Variants in PLXDC2 observed in about 807,000 individuals in gnomAD.
PLXDC2 encodes plexin domain containing 2, also known as plexin domain-containing protein 2.
PLXDC2 carries 40 observed loss-of-function variants against 68.9 expected under a neutral mutation model. The observed-to-expected ratio is 0.58, with a 90% CI of 0.45 to 0.76. The LOEUF (loss-of-function observed/expected upper bound fraction) is 0.76, where lower values mean the gene tolerates loss of function less well. PLXDC2 is among the 30% of genes least tolerant of loss of function. The pLI is 0.00. For missense variants in PLXDC2, 644 were observed against 661.9 expected, an observed-to-expected ratio of 0.97 and a Z score of 0.30; for synonymous variants, 243 against 234.2, an observed-to-expected ratio of 1.04 and a Z score of -0.34.
chr10:19,953,351 A>G (rs959242465), intron 1 of PLXDC2, among the ~76,000 whole-genome samples: 9 of 152,138 alleles, frequency 5.9e-5, no homozygotes, highest in Non-Finnish European at 7.4e-5. Context: ...TGATTTAAGT[A>G]TTTGGGGTAG....
chr10:20,005,097 A>T (rs1835005961), intron 2 of PLXDC2, among the ~76,000 whole-genome samples: 1 of 152,194 alleles, frequency 6.6e-6, no homozygotes, highest in Admixed American at 6.5e-5. Context: ...TGAGCATTCA[A>T]ACCCTGCTGG....
chr10:19,914,095 G>T (rs2131376014), intron 1 of PLXDC2, among the ~76,000 whole-genome samples: 1 of 150,180 alleles, frequency 6.7e-6, no homozygotes, highest in African/African-American at 2.4e-5. Context: ...GGAAAGAAGG[G>T]AGGGAAGAAG....
intron 3 of PLXDC2, among the ~76,000 whole-genome samples, chr10:20,063,031 T>G (rs76285025): frequency 0.038 from 5,719 of 152,204 alleles, 146 homozygotes; most frequent in South Asian, 0.068. Flanking sequence ...AAATACCACT[T>G]TACTAATAAG....
At chr10:20,235,515 C>T (rs1356567354) in intron 12 of PLXDC2, among the ~76,000 whole-genome samples, 1 of 152,162 alleles carries the variant, frequency 6.6e-6, no homozygotes, top group Non-Finnish European at 1.5e-5. Flanking sequence ...AGCATCCTCT[C>T]AGATCTTCAC....
At chr10:20,134,074 C>A (rs1429544294) in intron 4 of PLXDC2, among the ~76,000 whole-genome samples, 1 of 151,996 alleles carries the variant, frequency 6.6e-6, no homozygotes, top group Non-Finnish European at 1.5e-5. Flanking sequence ...TTCATAGTTT[C>A]TGTCTCTTTG....
At chr10:19,921,101 C>A (rs1416926666) in intron 1 of PLXDC2, among the ~76,000 whole-genome samples, 2 of 144,248 alleles carry the variant, frequency 1.4e-5, no homozygotes, top group African/African-American at 2.5e-5. Flanking sequence ...CTTTCTTTTT[C>A]TTTTCTTCTT....
intron 12 of PLXDC2, among the ~76,000 whole-genome samples, chr10:20,237,841 T>G (rs1339938723): frequency 6.6e-6 from 1 of 152,184 alleles, no homozygotes; most frequent in Admixed American, 6.5e-5. Context: ...TTATGGAATT[T>G]ATGGGCTGCA....
intron 1 of PLXDC2, among the ~76,000 whole-genome samples, chr10:19,867,149 T>G (rs1333531956): frequency 6.8e-6 from 1 of 148,020 alleles, no homozygotes; most frequent in Non-Finnish European, 1.5e-5. Context: ...CACTGCAATA[T>G]CCACCTCCTG....
At chr10:20,003,175 T>C (rs531131434) in intron 2 of PLXDC2, among the ~76,000 whole-genome samples, 1 of 152,302 alleles carries the variant, frequency 6.6e-6, no homozygotes, top group South Asian at 2.1e-4. Context: ...TGATCTTGCT[T>C]GTAAACTAGG....
intron 1 of PLXDC2, among the ~76,000 whole-genome samples, chr10:19,998,289 T>C (rs12267586): frequency 0.013 from 1,974 of 152,306 alleles, 45 homozygotes; most frequent in African/African-American, 0.046. Flanking sequence ...ATTTACAATA[T>C]AGATAACGAA....
intron 1 of PLXDC2, among the ~76,000 whole-genome samples, chr10:19,957,977 A>T (rs1834098293): frequency 6.6e-6 from 1 of 152,098 alleles, no homozygotes; most frequent in Admixed American, 6.5e-5. Flanking sequence ...TGATCTCCTC[A>T]AGGTGAAATA....
chr10:19,844,649 G>A (rs1215911476), intron 1 of PLXDC2, among the ~76,000 whole-genome samples: 1 of 151,320 alleles, frequency 6.6e-6, no homozygotes, highest in African/African-American at 2.4e-5. Context: ...GGGCTGGAGT[G>A]CAGTGGTGTG....
intron 1 of PLXDC2, among the ~76,000 whole-genome samples, chr10:19,926,950 T>C (rs775431953): frequency 6.6e-6 from 1 of 152,212 alleles, no homozygotes; most frequent in Non-Finnish European, 1.5e-5. Flanking sequence ...ATTGTTGTCC[T>C]AAGTCTTTCT....
At chr10:20,142,796 T>C (rs1228822729) in intron 4 of PLXDC2, among the ~76,000 whole-genome samples, 1 of 151,640 alleles carries the variant, frequency 6.6e-6, no homozygotes, top group Non-Finnish European at 1.5e-5. Flanking sequence ...CCCTTTCAAC[T>C]TTCAAGAAAA....
chr10:20,094,372 C>T (rs1589626225), intron 4 of PLXDC2, among the ~76,000 whole-genome samples: 1 of 152,288 alleles, frequency 6.6e-6, no homozygotes, highest in African/African-American at 2.4e-5. Flanking sequence ...CGCCTAAGGT[C>T]ACACAGAGAG....
At chr10:19,968,524 G>T (rs1834301555) in intron 1 of PLXDC2, among the ~76,000 whole-genome samples, 1 of 152,110 alleles carries the variant, frequency 6.6e-6, no homozygotes, top group African/African-American at 2.4e-5. Context: ...TTGTTGGCCA[G>T]CTGGTCTCGA....
chr10:20,104,435 T>G (rs1833462678), intron 4 of PLXDC2, among the ~76,000 whole-genome samples: 1 of 152,142 alleles, frequency 6.6e-6, no homozygotes, highest in Non-Finnish European at 1.5e-5. Flanking sequence ...TCCAGCCCCT[T>G]GTAAGAATTC....
chr10:20,087,591 T>C (rs1833217194), intron 4 of PLXDC2, among the ~76,000 whole-genome samples: 1 of 152,232 alleles, frequency 6.6e-6, no homozygotes, highest in South Asian at 2.1e-4. Flanking sequence ...GGAATTTTTC[T>C]TCCTCCAATA....
chr10:20,096,747 A>T (rs1186831497), intron 4 of PLXDC2, among the ~76,000 whole-genome samples: 4 of 152,122 alleles, frequency 2.6e-5, no homozygotes, highest in Admixed American at 2.6e-4. Flanking sequence ...CTGATTACTG[A>T]GATATATTTT....
Sources: allele counts gnomAD v4.1 joint callset (sites outside exome capture counted in the v4.1 genomes callset), GRCh38; gene constraint gnomAD v4.1.1; transcripts MANE v1.5; gene names NCBI Gene and HGNC (gene_info 2026-07-23, HGNC 2026-07-21).